The following NOTUM variants were observed in gnomAD, a reference collection of about 807,000 sequenced individuals.
NOTUM encodes the protein notum, palmitoleoyl-protein carboxylesterase.
A neutral mutation model predicts 65.5 loss-of-function variants in NOTUM; 36 were observed. The observed-to-expected ratio is 0.55, with a 90% CI of 0.42 to 0.73. The LOEUF (loss-of-function observed/expected upper bound fraction) is 0.73. Ranked by LOEUF, NOTUM falls within the 30% of genes least tolerant of loss-of-function variation. The pLI is 0.00. For synonymous variants in NOTUM, 356 were observed against 297.9 expected (o/e 1.20, Z -2.01); for missense variants, 659 against 694.2 (o/e 0.95, Z 0.57).
intron 9 of NOTUM, among the ~76,000 whole-genome samples, chr17:81,954,940 TCTCTCTCTCTCTCTCTCTC>T (rs1337325309): frequency 5.3e-5 from 6 of 113,328 alleles, no homozygotes; most frequent in African/African-American, 3.0e-5. Flanking sequence ...GATCTCTCTC[TCTCTCTCTCTCTCTCTCTC>T]CTCTCTCTCT....
At position 81,959,698 on chromosome 17, in the gene NOTUM, G is replaced by A. The variant is rs1186535645; in HGVS notation, c.324-6C>T. 2 of 1,475,202 alleles carry A rather than the reference G, an allele frequency of 1.4e-6. No individual in the cohort carries two copies. Among genetic ancestry groups the A allele is most frequent in the African/African-American group, 1.5e-5 (1 of 68,028 alleles). The allele number at this position is 1,475,202 out of a possible 1,614,324, so 91.4% of individuals were successfully genotyped here. A position where few individuals can be genotyped will look rare whatever the true frequency, so the allele number is the denominator to read the frequency against. On this transcript the variant is annotated splice_region_variant and splice_polypyrimidine_tract_variant and intron_variant, in intron 1 of 10. Coordinates refer to ENST00000409678, the MANE Select transcript of NOTUM (RefSeq NM_178493.6). ...TGGACTCCTTCAGGTAGTAGCTGCGGGGGAGGACGCACCGCGGGGGGTCGG... is the reference window on the plus strand; with the variant it reads ...TGGACTCCTTCAGGTAGTAGCTGCGAGGGAGGACGCACCGCGGGGGGTCGG...
chr17:81,953,786 CT>C (rs1294028467), intron 10 of NOTUM, among the ~76,000 whole-genome samples: 11 of 122,624 alleles, frequency 9.0e-5, no homozygotes, highest in East Asian at 4.7e-4. Flanking sequence ...TTTTTTTTTT[CT>C]TTTTTTTTTG....
At chr17:81,956,803 C>T in intron 7 of NOTUM, 53 bp from the exon 8 acceptor site, 1 of 1,591,316 alleles carries the variant, frequency 6.3e-7, no homozygotes, top group Non-Finnish European at 8.6e-7. Context: ...CCCGGGGCTC[C>T]CCACCCACAG....
In NOTUM at chr17:81,959,009, G is replaced by A. The variant is rs1315090415; in HGVS notation, c.473-14C>T. ...GGATCCCTGTGCCTGGGGACACAGA[G>A]GCGGTGGGTCTTTCTAGCGGGAGGA... On this transcript the variant is annotated splice_polypyrimidine_tract_variant and intron_variant, in intron 3 of 10. Coordinates refer to ENST00000409678, the MANE Select transcript of NOTUM (RefSeq NM_178493.6). The A allele has an allele frequency of 6.2e-7, 1 of 1,611,890 alleles. No individual in the cohort carries two copies. Among genetic ancestry groups the A allele is most frequent in the Admixed American group, 1.7e-5 (1 of 60,012 alleles).
At position 81,955,379 on chromosome 17, in the gene NOTUM, C is replaced by T. The variant is rs775772656; in HGVS notation, c.1136+18G>A. 121 of 1,547,012 alleles carry T rather than the reference C, an allele frequency of 7.8e-5. No individual in the cohort carries two copies. The highest frequency in any genetic ancestry group is 9.7e-5 in the Non-Finnish European group (111 of 1,140,542). On this transcript the variant is annotated intron_variant, in intron 9 of 10. Transcript: ENST00000409678. ...AGGGAGCTACCCGGCGTGGGGCTCCCGGGGCCCACACACTCACGGCACGTC... is the reference window on the plus strand; with the variant it reads ...AGGGAGCTACCCGGCGTGGGGCTCCTGGGGCCCACACACTCACGGCACGTC...
At chr17:81,959,083 T>G in intron 3 of NOTUM, 88 bp from the exon 4 acceptor site, 4 of 1,129,266 alleles carry the variant, frequency 3.5e-6, no homozygotes, top group Non-Finnish European at 5.4e-6. Flanking sequence ...TTGGGGCTCC[T>G]ACTTGGCCCC....
Position 81,960,140 on chromosome 17 carries a change from T to A in NOTUM, c.323+447A>T, listed in dbSNP as rs1243751655. ...CCGACCCCACGCCCAAGTCTCCCGCTGTCCCCGGCTGTCCTCGGCCTGTTG... is the reference window on the plus strand; with the variant it reads ...CCGACCCCACGCCCAAGTCTCCCGCAGTCCCCGGCTGTCCTCGGCCTGTTG... On this transcript the variant is annotated intron_variant, in intron 1 of 10. Transcript: ENST00000409678. This position sits in a 1 kb window ranked among gnomAD's most constrained non-coding sequence, Gnocchi z 6.4. 1.3e-5 allele frequency among the ~76,000 whole-genome samples: 2 copies of A among 151,912 alleles called. No homozygotes were observed. The highest frequency in any genetic ancestry group is 2.9e-5 in the Non-Finnish European group (2 of 67,954).
intron 9 of NOTUM, among the ~76,000 whole-genome samples, 162 bp from the exon 10 acceptor site, chr17:81,954,465 C>T (rs888382195): frequency 1.3e-5 from 2 of 152,312 alleles, no homozygotes; most frequent in Admixed American, 6.5e-5. Context: ...GGCCAGCTCC[C>T]GGCTGACCCT....
At chr17:81,958,592 C>T (rs2041450780) in intron 4 of NOTUM, among the ~76,000 whole-genome samples, 199 bp from the exon 5 acceptor site, 1 of 151,212 alleles carries the variant, frequency 6.6e-6, no homozygotes, top group African/African-American at 2.5e-5. Flanking sequence ...GGACAGGACC[C>T]TTTCCAGGAA....
Position 81,957,032 on chromosome 17 carries a change from A to G in NOTUM, c.738T>C (p.Ala246=), listed in dbSNP as rs1375286943. 6.2e-7 allele frequency: 1 copy of G among 1,610,130 alleles called. No individual in the cohort carries two copies. Among genetic ancestry groups the G allele is most frequent in the East Asian group, 2.2e-5 (1 of 44,862 alleles). The change falls in exon 7 of 11, where the codon GCT becomes GCC. Residue 246 remains alanine, a synonymous_variant. Transcript: ENST00000409678. ...GGTAGCCCAGCTTCTCCAGCTGCTC[A>G]GCCACACGGTCCACATTCAGGAGCA... The part of the protein sequence containing the change: ...TGVLLNVDRV[A]EQLEKLGYPA...
chr17:81,953,517 G>C (rs956608190), intron 10 of NOTUM, among the ~76,000 whole-genome samples: 3 of 151,894 alleles, frequency 2.0e-5, no homozygotes, highest in Non-Finnish European at 4.4e-5. Flanking sequence ...AGCTGGTCTC[G>C]AACTGACGTC....
chr17:81,960,490 T>C lies in NOTUM; in HGVS notation c.323+97A>G. ...CGCGGGGCGCCCGACGGAAGCCCTT[T>C]CTCCCCGGGGAGAGAACGGCCGCGG... On this transcript the variant is annotated intron_variant, in intron 1 of 10. Coordinates refer to ENST00000409678, the MANE Select transcript of NOTUM (RefSeq NM_178493.6). The surrounding 1 kb of genome is among the most constrained non-coding windows in gnomAD (Gnocchi z 6.4). 1 of 881,220 alleles carries C rather than the reference T, an allele frequency of 1.1e-6. No individual in the cohort carries two copies. Among genetic ancestry groups the C allele is most frequent in the Non-Finnish European group, 1.6e-6 (1 of 616,126 alleles). The allele number at this position is 881,220 out of a possible 1,614,324, so 54.6% of individuals were successfully genotyped here.
At position 81,953,025 on chromosome 17, in the gene NOTUM, G is replaced by T. The variant is rs374572752; in HGVS notation, c.1427C>A (p.Thr476Lys). The part of the protein sequence containing the change: ...FLMHMGFDMQ[T>K]VAQPQGLEPS... ...CTCCAGTCCCTGCGGCTGGGCCACC[G>T]TCTGCATGTCGAAGCCCATGTGCAT... The change falls in exon 11 of 11, where the codon ACG becomes AAG. Residue 476 changes from threonine (T) to lysine (K), a missense_variant. By Grantham distance (78) the Thr-to-Lys change is moderately conservative. Coordinates refer to ENST00000409678, the MANE Select transcript of NOTUM (RefSeq NM_178493.6). 6.2e-7 allele frequency: 1 copy of T among 1,613,888 alleles called. No individual in the cohort carries two copies. The highest frequency in any genetic ancestry group is 8.5e-7 in the Non-Finnish European group (1 of 1,179,982).
Position 81,955,556 on chromosome 17 carries a change from G to T in NOTUM, c.989-12C>A. On this transcript the variant is annotated splice_polypyrimidine_tract_variant and intron_variant, in intron 8 of 10. Transcript: ENST00000409678. ...CACGAACACAGGGCCTGCGGGCGGC[G>T]GGGCTCAGTTCGGCCTCCCCTGACC... is the stretch of plus-strand genomic sequence containing the variant. 1 of 1,606,168 alleles carries T rather than the reference G, an allele frequency of 6.2e-7. No individual in the cohort carries two copies. Among genetic ancestry groups the T allele is most frequent in the Non-Finnish European group, 8.5e-7 (1 of 1,176,602 alleles).
In NOTUM at chr17:81,953,062, C is replaced by A. The variant is rs2041399590; in HGVS notation, c.1390G>T (p.Ala464Ser). The A allele has an allele frequency of 6.2e-7, 1 of 1,613,880 alleles. No homozygotes were observed. Among genetic ancestry groups the A allele is most frequent in the East Asian group, 2.2e-5 (1 of 44,898 alleles). ...AAGCCCATGTGCATGAGGAACTGGG[C>A]CACGTTCATCTCTTGCCCCGTGAAC... is the stretch of plus-strand genomic sequence containing the variant. ...DQFTGQEMNVAQFLMHMGFDM... is the reference protein window; with the variant it reads ...DQFTGQEMNVSQFLMHMGFDM... Residue 464 changes from alanine to serine, a missense_variant, in exon 11 of 11, where the codon GCC becomes TCC. Ala to Ser is a moderately conservative substitution (Grantham distance 99). Coordinates refer to ENST00000409678, the MANE Select transcript of NOTUM (RefSeq NM_178493.6).
intron 4 of NOTUM, 48 bp from the exon 5 acceptor site, chr17:81,958,441 A>G (rs1056561624): frequency 2.9e-6 from 4 of 1,375,368 alleles, no homozygotes; most frequent in Non-Finnish European, 4.1e-6. Flanking sequence ...GCCGCCCGGC[A>G]GCCTCCAGAA....
intron 6 of NOTUM, among the ~76,000 whole-genome samples, chr17:81,957,327 T>C (rs1404286798): frequency 6.6e-6 from 1 of 152,160 alleles, no homozygotes; most frequent in Non-Finnish European, 1.5e-5. Flanking sequence ...CCTTCCTCTC[T>C]CTGTCTCTTT....
chr17:81,960,609 A>G lies in NOTUM; in HGVS notation c.301T>C (p.Cys101Arg). 6.6e-7 allele frequency: 1 copy of G among 1,514,698 alleles called. No homozygotes were observed. 93.8% of individuals were successfully genotyped at this position (1,514,698 alleles called of 1,614,324 possible). Reference protein sequence around the residue: ...LHLLLNTSVTCNDGSPAGYYL... With the variant: ...LHLLLNTSVTRNDGSPAGYYL... ...TACCCGGCGGGGCTGCCGTCGTTGCAGGTCACCGAGGTGTTGAGTAGGAGG... is the reference window on the plus strand; with the variant it reads ...TACCCGGCGGGGCTGCCGTCGTTGCGGGTCACCGAGGTGTTGAGTAGGAGG... Residue 101 changes from cysteine to arginine, a missense_variant, in exon 1 of 11, where the codon TGC (cysteine) becomes CGC (arginine). Cys to Arg is a radical substitution (Grantham distance 180, BLOSUM62 -3). Coordinates refer to ENST00000409678, the MANE Select transcript of NOTUM (RefSeq NM_178493.6). This position sits in a 1 kb window ranked among gnomAD's most constrained non-coding sequence, Gnocchi z 6.4.
intron 10 of NOTUM, among the ~76,000 whole-genome samples, 185 bp downstream of exon 10, chr17:81,954,070 AC>A (rs1317175605): frequency 6.6e-6 from 1 of 151,912 alleles, no homozygotes; most frequent in Non-Finnish European, 1.5e-5. Flanking sequence ...GAGCCACCGC[AC>A]CCAGCCTGAG....
Sources: gnomAD v4.1 joint callset for allele counts (sites outside exome capture counted in the v4.1 genomes callset) on GRCh38, gnomAD v4.1.1 for gene constraint, Gnocchi (gnomAD v3.1) non-coding constraint, MANE v1.5 for transcripts, NCBI Gene and HGNC (gene_info 2026-07-23, HGNC 2026-07-21) for gene names.